The following TNKS variants were observed in gnomAD, a reference collection of about 807,000 sequenced individuals.
TNKS encodes the protein tankyrase, also known as poly [ADP-ribose] polymerase tankyrase-1.
In TNKS, 72 loss-of-function variants were observed where a neutral mutation model predicts 135.8. That is an observed-to-expected ratio of 0.53 (90% CI 0.44 to 0.64). The LOEUF (loss-of-function observed/expected upper bound fraction) is 0.64. TNKS is among the 30% of genes least tolerant of loss of function. The pLI is 0.00. For missense variants in TNKS, 1,769 were observed against 1,674.0 expected (o/e 1.06, Z -0.99); for synonymous variants, 849 against 649.3 (o/e 1.31, Z -4.68).
chr8:9,710,893 C>G lies in TNKS; in HGVS notation c.1749+673C>G, dbSNP rs1366767822. On this transcript the variant is annotated intron_variant, in intron 11 of 26. Transcript: ENST00000310430. The stretch of plus-strand genomic sequence containing the variant: ...CCTGGGAGACAGAGTGAGAATCTGT[C>G]TCAAAAAAAAAAATTGTATGCCTTC... Among the ~76,000 whole-genome samples, 5 of 151,294 alleles carry G rather than the reference C, an allele frequency of 3.3e-5. No individual in the cohort carries two copies. In the East Asian group the frequency reaches 5.8e-4, roughly 18 times the overall value.
intron 5 of TNKS, among the ~76,000 whole-genome samples, chr8:9,698,977 C>G (rs1355353699): frequency 6.6e-6 from 1 of 152,086 alleles, no homozygotes; most frequent in Admixed American, 6.5e-5. Flanking sequence ...ATTTAGATAG[C>G]TTTTGTATTT....
At chr8:9,588,804 C>G (rs570759736) in intron 2 of TNKS, among the ~76,000 whole-genome samples, 5 of 152,206 alleles carry the variant, frequency 3.3e-5, no homozygotes, top group African/African-American at 1.2e-4. Context: ...TCAGACTGTT[C>G]CATCTCTAAT....
intron 11 of TNKS, among the ~76,000 whole-genome samples, chr8:9,711,550 G>C (rs2128809608): frequency 6.6e-6 from 1 of 152,230 alleles, no homozygotes; most frequent in East Asian, 1.9e-4. Flanking sequence ...AAGGTGGTCT[G>C]GTTATTTTGT....
At chr8:9,632,413 C>A (rs536332465) in intron 3 of TNKS, among the ~76,000 whole-genome samples, 1 of 151,590 alleles carries the variant, frequency 6.6e-6, no homozygotes, top group Non-Finnish European at 1.5e-5. Flanking sequence ...ATTTCTTATT[C>A]TTTTCCCTCT....
At chr8:9,670,362 A>G (rs1343801449) in intron 3 of TNKS, among the ~76,000 whole-genome samples, 1 of 152,200 alleles carries the variant, frequency 6.6e-6, no homozygotes, top group Non-Finnish European at 1.5e-5. Flanking sequence ...AATTTAGGTC[A>G]TCTTAAAATT....
At chr8:9,681,118 T>G (rs1563164116) in intron 5 of TNKS, 1 of 202,380 alleles carries the variant, frequency 4.9e-6, no homozygotes, top group Non-Finnish European at 9.9e-6. Context: ...ACTGGAAATA[T>G]GAGTGTCCTA....
chr8:9,662,711 G>A lies in TNKS; in HGVS notation c.995-17240G>A, dbSNP rs551976292. Among the ~76,000 whole-genome samples the A allele has an allele frequency of 4.3e-4, 65 of 152,202 alleles. No homozygotes were observed. The South Asian group carries it at 0.011, about 26-fold the overall frequency. ...GTATACATATGTAACAAACCTGCACGTTGTGCACATGTACCCTAAAACCTA... is the reference window on the plus strand; with the variant it reads ...GTATACATATGTAACAAACCTGCACATTGTGCACATGTACCCTAAAACCTA... On this transcript the variant is annotated intron_variant, in intron 3 of 26. Coordinates refer to ENST00000310430, the MANE Select transcript of TNKS (RefSeq NM_003747.3).
At chr8:9,637,913 G>A (rs182285824) in intron 3 of TNKS, among the ~76,000 whole-genome samples, 1 of 152,064 alleles carries the variant, frequency 6.6e-6, no homozygotes, top group South Asian at 2.1e-4. Context: ...TTTTTCTTAA[G>A]GTTATACTTT....
chr8:9,774,030 T>C (rs918969693), intron 26 of TNKS, among the ~76,000 whole-genome samples: 3 of 152,198 alleles, frequency 2.0e-5, no homozygotes, highest in East Asian at 1.9e-4. Flanking sequence ...GTATTCGTTA[T>C]TGGTGGGAAT....
chr8:9,610,294 C>A (rs1209913336), intron 2 of TNKS, among the ~76,000 whole-genome samples: 1 of 136,480 alleles, frequency 7.3e-6, no homozygotes, highest in African/African-American at 2.8e-5. Context: ...TTTAAAAAAT[C>A]TATAATATAT....
At chr8:9,583,785 C>T (rs1203051384) in intron 2 of TNKS, among the ~76,000 whole-genome samples, 1 of 152,064 alleles carries the variant, frequency 6.6e-6, no homozygotes, top group Non-Finnish European at 1.5e-5. Flanking sequence ...CCGCACCCAG[C>T]CTGTATGGTT....
At chr8:9,638,156 G>T (rs1800583000) in intron 3 of TNKS, among the ~76,000 whole-genome samples, 1 of 152,100 alleles carries the variant, frequency 6.6e-6, no homozygotes, top group African/African-American at 2.4e-5. Context: ...TTTATTCTTT[G>T]TAGAGCTAGG....
chr8:9,684,451 C>G (rs1414063606), intron 5 of TNKS, among the ~76,000 whole-genome samples: 1 of 151,858 alleles, frequency 6.6e-6, no homozygotes. Context: ...CTTTGTGGTT[C>G]CTCTCTGTGT....
chr8:9,765,198 A>G (rs1466257366), intron 23 of TNKS, among the ~76,000 whole-genome samples: 1 of 152,214 alleles, frequency 6.6e-6, no homozygotes, highest in Non-Finnish European at 1.5e-5. Flanking sequence ...TAATCTCGGT[A>G]TCTCAATTTA....
chr8:9,707,663 A>G (rs1804112841), intron 8 of TNKS, among the ~76,000 whole-genome samples: 1 of 152,236 alleles, frequency 6.6e-6, no homozygotes, highest in Non-Finnish European at 1.5e-5. Context: ...ATAGTTAAAG[A>G]TATAAAAATA....
chr8:9,585,787 C>G (rs993078502), intron 2 of TNKS, among the ~76,000 whole-genome samples: 1 of 152,152 alleles, frequency 6.6e-6, no homozygotes, highest in Non-Finnish European at 1.5e-5. Flanking sequence ...TATGCAGAGA[C>G]TGAGGGGATC....
At chr8:9,760,745 A>G (rs1256819345) in intron 20 of TNKS, among the ~76,000 whole-genome samples, 1 of 152,182 alleles carries the variant, frequency 6.6e-6, no homozygotes, top group Non-Finnish European at 1.5e-5. Context: ...GAATTAGGTT[A>G]TTTTGAGCCA....
chr8:9,695,350 A>C (rs941023167), intron 5 of TNKS, among the ~76,000 whole-genome samples: 10 of 152,128 alleles, frequency 6.6e-5, no homozygotes, highest in African/African-American at 2.2e-4. Context: ...TTTGTTACTG[A>C]CTTAATTTTT....
chr8:9,655,785 G>A (rs535623577), intron 3 of TNKS, among the ~76,000 whole-genome samples: 2 of 152,140 alleles, frequency 1.3e-5, no homozygotes, highest in East Asian at 3.9e-4. Flanking sequence ...AAACCACCAA[G>A]ATGGGGAAAA....
Sources: allele counts gnomAD v4.1 joint callset (sites outside exome capture counted in the v4.1 genomes callset), GRCh38; gene constraint gnomAD v4.1.1; transcripts MANE v1.5; gene names NCBI Gene and HGNC (gene_info 2026-07-23, HGNC 2026-07-21).